Variants in PTPRO observed in about 807,000 individuals in gnomAD.
PTPRO encodes the protein protein tyrosine phosphatase receptor type O, also known as receptor-type tyrosine-protein phosphatase O.
In PTPRO, 62 loss-of-function variants were observed where a neutral mutation model predicts 145.2. That is an observed-to-expected ratio of 0.43 (90% confidence interval 0.35 to 0.53). The LOEUF is 0.53. PTPRO is among the 20% of genes least tolerant of loss of function. PTPRO has a pLI of 0.01. For synonymous variants in PTPRO, 565 were observed against 514.7 expected (o/e 1.10, Z -1.32); for missense variants, 1,345 against 1,482.7 (o/e 0.91, Z 1.53).
Position 15,480,269 on chromosome 12 carries a change from T to C in PTPRO, c.76-3705T>C, listed in dbSNP as rs180740657. On this transcript the variant is annotated intron_variant, in intron 1 of 26. Coordinates refer to ENST00000281171, the MANE Select transcript of PTPRO (RefSeq NM_030667.3). The stretch of plus-strand genomic sequence containing the variant: ...GGCTACATCCAAAACCTGGATTTTC[T>C]CTTGAAAATTAGTCACATTTTCTTG... Among the ~76,000 whole-genome samples the C allele has an allele frequency of 7.9e-5, 12 of 152,334 alleles. No individual in the cohort carries two copies. The East Asian group carries it at 2.1e-3, about 27-fold the overall frequency.
At chr12:15,538,149 C>T (rs927509090) in intron 12 of PTPRO, among the ~76,000 whole-genome samples, 6 of 152,072 alleles carry the variant, frequency 3.9e-5, no homozygotes, top group African/African-American at 1.2e-4. Context: ...ACCAATCCCT[C>T]GCCTCAATAT....
intron 12 of PTPRO, 91 bp downstream of exon 12, chr12:15,526,353 A>T: frequency 6.5e-7 from 1 of 1,550,294 alleles, no homozygotes; most frequent in Non-Finnish European, 8.8e-7. Context: ...ATGAAATAAT[A>T]ACAGAAAAAT....
chr12:15,437,743 G>A (rs1283561597), intron 1 of PTPRO, among the ~76,000 whole-genome samples: 1 of 152,182 alleles, frequency 6.6e-6, no homozygotes, highest in Admixed American at 6.5e-5. Context: ...CTGGAACACA[G>A]AACTTGGAGC....
chr12:15,352,669 G>T (rs73057244), intron 1 of PTPRO, among the ~76,000 whole-genome samples: 4 of 81,850 alleles, frequency 4.9e-5, no homozygotes, highest in African/African-American at 1.4e-4. Flanking sequence ...AAAAAAAAAA[G>T]AAAGAAAGAA....
At chr12:15,582,915 C>T (rs1348023706) in intron 23 of PTPRO, among the ~76,000 whole-genome samples, 5 of 152,196 alleles carry the variant, frequency 3.3e-5, no homozygotes, top group African/African-American at 4.8e-5. Flanking sequence ...ATTTCTGTGA[C>T]AGGCTTAGGT....
chr12:15,432,700 T>C (rs61908011), intron 1 of PTPRO, among the ~76,000 whole-genome samples: 5,426 of 152,314 alleles, frequency 0.036, 268 homozygotes, highest in African/African-American at 0.11. Flanking sequence ...GCCTTCTGAC[T>C]GGTGTGAGAC....
intron 1 of PTPRO, among the ~76,000 whole-genome samples, chr12:15,372,695 G>A (rs1023153369): frequency 1.3e-5 from 2 of 152,086 alleles, no homozygotes; most frequent in African/African-American, 4.8e-5. Flanking sequence ...AATTGTTGTG[G>A]GTGGAGTGGA....
intron 1 of PTPRO, among the ~76,000 whole-genome samples, chr12:15,417,898 C>T (rs1940027303): frequency 1.3e-5 from 2 of 151,732 alleles, no homozygotes; most frequent in Admixed American, 1.3e-4. Context: ...TATCTCTCAA[C>T]AGTGCTGGGA....
chr12:15,365,077 C>T (rs532884605), intron 1 of PTPRO, among the ~76,000 whole-genome samples: 1 of 152,238 alleles, frequency 6.6e-6, no homozygotes, highest in African/African-American at 2.4e-5. Flanking sequence ...CATCACTTCT[C>T]CAGCTTTGAC....
At chr12:15,482,908 A>G (rs1941809701) in intron 1 of PTPRO, among the ~76,000 whole-genome samples, 1 of 152,184 alleles carries the variant, frequency 6.6e-6, no homozygotes, top group Non-Finnish European at 1.5e-5. Flanking sequence ...AAGTGACTTA[A>G]TCTTTCTGAG....
At chr12:15,391,386 C>T (rs1038496529) in intron 1 of PTPRO, among the ~76,000 whole-genome samples, 1 of 152,114 alleles carries the variant, frequency 6.6e-6, no homozygotes, top group African/African-American at 2.4e-5. Context: ...ATTCATTTCC[C>T]TCACCATTTG....
intron 1 of PTPRO, among the ~76,000 whole-genome samples, chr12:15,448,289 C>T (rs920014928): frequency 1.6e-5 from 2 of 127,694 alleles, no homozygotes; most frequent in African/African-American, 5.6e-5. Flanking sequence ...AAAGAATCCA[C>T]CTGGCATTAT....
At chr12:15,347,057 A>T (rs937516926) in intron 1 of PTPRO, among the ~76,000 whole-genome samples, 2 of 152,066 alleles carry the variant, frequency 1.3e-5, no homozygotes, top group African/African-American at 4.8e-5. Context: ...CCCTTAACCC[A>T]ACAAGTGGCT....
intron 12 of PTPRO, among the ~76,000 whole-genome samples, chr12:15,526,659 T>C (rs1032912883): frequency 1.3e-5 from 2 of 152,244 alleles, no homozygotes; most frequent in Middle Eastern, 3.4e-3. Context: ...TACATATTGA[T>C]TTTTTAAATT....
At chr12:15,476,533 G>C (rs1317144138) in intron 1 of PTPRO, among the ~76,000 whole-genome samples, 3 of 151,084 alleles carry the variant, frequency 2.0e-5, no homozygotes, top group African/African-American at 7.3e-5. Context: ...CACTCTGATG[G>C]TAGTTTCTTT....
chr12:15,447,510 T>A (rs1940930772), intron 1 of PTPRO, among the ~76,000 whole-genome samples: 1 of 152,068 alleles, frequency 6.6e-6, no homozygotes, highest in Non-Finnish European at 1.5e-5. Flanking sequence ...ATGGAGAAGG[T>A]TTTGATGAGC....
In PTPRO at chr12:15,589,604, C is replaced by A; in HGVS notation, c.3546+14C>A. 1 of 1,613,584 alleles carries A rather than the reference C, an allele frequency of 6.2e-7. No homozygotes were observed. The highest frequency in any genetic ancestry group is 1.3e-5 in the African/African-American group (1 of 75,012). On this transcript the variant is annotated intron_variant, in intron 25 of 26. Transcript: ENST00000281171. ...GTACAGACAGAGGTAGGAACATAAT[C>A]TATATGTATTTTTAAATTTTCCCTG...
At chr12:15,336,835 C>A (rs932989130) in intron 1 of PTPRO, among the ~76,000 whole-genome samples, 1 of 152,124 alleles carries the variant, frequency 6.6e-6, no homozygotes, top group Non-Finnish European at 1.5e-5. Context: ...CCTCTTTGAT[C>A]CACATAGTCT....
At chr12:15,509,624 G>A (rs1443071976) in intron 7 of PTPRO, among the ~76,000 whole-genome samples, 1 of 113,958 alleles carries the variant, frequency 8.8e-6, no homozygotes, top group East Asian at 2.0e-4. Flanking sequence ...TTGAACCCGG[G>A]AGGTGGGGGT....
Sources: allele counts gnomAD v4.1 joint callset (sites outside exome capture counted in the v4.1 genomes callset), GRCh38; gene constraint gnomAD v4.1.1; transcripts MANE v1.5; gene names NCBI Gene and HGNC (gene_info 2026-07-23, HGNC 2026-07-21).